TJP3: variants seen among roughly 807,000 people sequenced by gnomAD.
The protein encoded by TJP3 is tight junction protein 3.
In TJP3, 85 loss-of-function variants were observed where a neutral mutation model predicts 104.2. The ratio of observed to expected loss-of-function variants is 0.82; its 90% CI spans 0.68 to 0.98. TJP3 has a LOEUF of 0.98. Ranked by LOEUF, TJP3 falls within the 50% of genes least tolerant of loss-of-function variation. The pLI, the probability that TJP3 is intolerant of heterozygous loss-of-function variation, is 0.00. For synonymous variants in TJP3, 550 were observed against 550.6 expected, an observed-to-expected ratio of 1.00 and a Z score of 0.02; for missense variants, 1,367 against 1,322.8, an observed-to-expected ratio of 1.03 and a Z score of -0.52.
At chr19:3,731,846 G>A in intron 5 of TJP3, 89 bp from the exon 6 acceptor site, 1 of 999,784 alleles carries the variant, frequency 1.0e-6, no homozygotes, top group Non-Finnish European at 1.5e-6. Flanking sequence ...GGATGGGAGG[G>A]CCCGCACCTG....
At chr19:3,724,250 C>T (rs970221727) in intron 1 of TJP3, among the ~76,000 whole-genome samples, 1 of 151,956 alleles carries the variant, frequency 6.6e-6, no homozygotes, top group South Asian at 2.1e-4. Flanking sequence ...GGCTGGAGTG[C>T]AGTGGCACAA....
At chr19:3,731,907 C>T in intron 5 of TJP3, 28 bp from the exon 6 acceptor site, 2 of 1,600,578 alleles carry the variant, frequency 1.2e-6, no homozygotes, top group Non-Finnish European at 1.7e-6. Context: ...CAGAGTCCTG[C>T]CTCAGTTTCC....
rs540872278 is a variant in TJP3 at position 3,738,889 on chromosome 19, C to T, written c.1394-8C>T. 48 of 1,574,914 alleles carry T rather than the reference C, an allele frequency of 3.0e-5. No homozygotes were observed. The highest frequency in any genetic ancestry group is 1.4e-4 in the East Asian group (6 of 44,188). ...CAGGCAGCTCATGTGGCCTCCCGCT[C>T]TCCCCAGTTTTCTGGAAAATGGTGC... is the stretch of plus-strand genomic sequence containing the variant. On this transcript the variant is annotated splice_polypyrimidine_tract_variant and splice_region_variant and intron_variant, in intron 12 of 20. Coordinates refer to ENST00000541714, the MANE Select transcript of TJP3 (RefSeq NM_001267560.2).
chr19:3,750,593 G>C lies in TJP3; in HGVS notation c.2669G>C (p.Arg890Pro). The change falls in exon 21 of 21, where the codon CGG (arginine) becomes CCG (proline). Residue 890 changes from arginine (R) to proline (P), a missense_variant. Transcript: ENST00000541714. ...WRQDSMRTYEREALKKKFMRV... is the reference protein window; with the variant it reads ...WRQDSMRTYEPEALKKKFMRV... ...TTCCTGATCCCCAGAACCTATGAAC[G>C]GGAAGCCCTGAAGAAAAAGTTTATG... is the stretch of plus-strand genomic sequence containing the variant. The C allele has an allele frequency of 3.7e-6, 6 of 1,605,632 alleles. No homozygotes were observed. Among genetic ancestry groups the C allele is most frequent in the Non-Finnish European group, 5.1e-6 (6 of 1,175,938 alleles).
intron 1 of TJP3, among the ~76,000 whole-genome samples, chr19:3,714,021 G>A (rs1305728452): frequency 2.1e-5 from 3 of 145,448 alleles, no homozygotes; most frequent in South Asian, 4.4e-4. Flanking sequence ...CACCACGCCC[G>A]GCCTATTATT....
chr19:3,748,063 G>C lies in TJP3; in HGVS notation c.2592G>C (p.Ser864=). The change falls in exon 19 of 21, where the codon TCG becomes TCC. Residue 864 remains serine (S), a synonymous_variant. Coordinates refer to ENST00000541714, the MANE Select transcript of TJP3 (RefSeq NM_001267560.2). ...GCCCGAGGGATCGTGGGAGAATCTCGGCTCATCAGGGGGCCCAGGTGCGTC... is the reference window on the plus strand; with the variant it reads ...GCCCGAGGGATCGTGGGAGAATCTCCGCTCATCAGGGGGCCCAGGTGCGTC... ...SQSPRDRGRI[S]AHQGAQVDSR... The C allele has an allele frequency of 6.4e-7, 1 of 1,574,192 alleles. No individual in the cohort carries two copies. Among genetic ancestry groups the C allele is most frequent in the Non-Finnish European group, 8.6e-7 (1 of 1,159,804 alleles).
At chr19:3,743,574 TG>T (rs1165493302) in intron 14 of TJP3, 1 of 190,950 alleles carries the variant, frequency 5.2e-6, no homozygotes, top group African/African-American at 2.3e-5. Context: ...ACACATGCAG[TG>T]GGCCAGATGT....
At chr19:3,724,621 C>G (rs1057241176) in intron 1 of TJP3, among the ~76,000 whole-genome samples, 26 of 152,180 alleles carry the variant, frequency 1.7e-4, no homozygotes, top group African/African-American at 6.3e-4. Flanking sequence ...ACTGCAGCCT[C>G]GACCTCCTGG....
chr19:3,743,824 G>A (rs1367100646), intron 14 of TJP3, 115 bp from the exon 15 acceptor site: 3 of 923,044 alleles, frequency 3.3e-6, no homozygotes, highest in Admixed American at 4.4e-5. Flanking sequence ...GGGTAGCTAT[G>A]GTCCTGGTTA....
chr19:3,742,660 C>T (rs914617348), intron 14 of TJP3, among the ~76,000 whole-genome samples: 3 of 314 alleles, frequency 9.6e-3, no homozygotes, highest in Non-Finnish European at 0.028. Context: ...TACAAGGCCA[C>T]GGCCAGGCGT....
intron 15 of TJP3, among the ~76,000 whole-genome samples, chr19:3,745,618 G>A (rs1425410336): frequency 6.6e-6 from 1 of 152,210 alleles, no homozygotes. Context: ...GGCAAGAGTG[G>A]AGTTTCCTGT....
intron 1 of TJP3, among the ~76,000 whole-genome samples, chr19:3,719,232 C>T (rs1443849326): frequency 1.4e-5 from 2 of 146,000 alleles, no homozygotes; most frequent in South Asian, 2.2e-4. Context: ...TGATTTTTTG[C>T]GCCACCTGCT....
chr19:3,717,494 G>A (rs2036491016), intron 1 of TJP3, among the ~76,000 whole-genome samples: 1 of 151,070 alleles, frequency 6.6e-6, no homozygotes, highest in Non-Finnish European at 1.5e-5. Context: ...GGAGTGCAGT[G>A]GCGTGATCTC....
rs762245942 is a variant in TJP3, at chr19:3,730,642, G to T, written c.549G>T (p.Leu183=). The T allele has an allele frequency of 2.5e-6, 4 of 1,611,794 alleles. No individual in the cohort carries two copies. The Admixed American group carries it at 5.0e-5, about 20-fold the overall frequency. ...CCCTGGTGTCCGGCTTTAAGCGGCT[G>T]CCACGGCAGGACGTGCAGATGAAGC... ...GLALVSGFKR[L]PRQDVQMKPV... The change falls in exon 5 of 21, where the codon CTG becomes CTT. Residue 183 remains leucine, a synonymous_variant. Transcript: ENST00000541714. The surrounding 1 kb of genome is among the most constrained non-coding windows in gnomAD (Gnocchi z 7.3).
At chr19:3,741,853 C>T (rs528644410) in intron 14 of TJP3, among the ~76,000 whole-genome samples, 1 of 151,454 alleles carries the variant, frequency 6.6e-6, no homozygotes, top group South Asian at 2.1e-4. Context: ...GCCTATAATC[C>T]CAGCTACTTG....
chr19:3,725,618 G>A (rs2036587998), intron 1 of TJP3, among the ~76,000 whole-genome samples: 1 of 151,420 alleles, frequency 6.6e-6, no homozygotes, highest in Admixed American at 6.6e-5. Flanking sequence ...CTTGAACCCA[G>A]GAGGTGGAGG....
chr19:3,713,212 AC>A (rs1484188054), intron 1 of TJP3, among the ~76,000 whole-genome samples: 1 of 151,904 alleles, frequency 6.6e-6, no homozygotes, highest in Non-Finnish European at 1.5e-5. Context: ...GATCTTGGCA[AC>A]CCACAGACCG....
chr19:3,722,975 G>A (rs1170209171), intron 1 of TJP3, among the ~76,000 whole-genome samples: 1 of 149,418 alleles, frequency 6.7e-6, no homozygotes, highest in African/African-American at 2.5e-5. Flanking sequence ...GTCCAGCCCT[G>A]GGCGGGGGGC....
Position 3,731,794 on chromosome 19 carries a change from G to A in TJP3, c.614-141G>A, listed in dbSNP as rs1011923242. 18 of 596,790 alleles carry A rather than the reference G, an allele frequency of 3.0e-5. 1 individual carries two copies. The highest frequency in any genetic ancestry group is 9.8e-5 in the South Asian group (4 of 41,018). The allele number at this position is 596,790 out of a possible 1,614,324, so 37.0% of individuals were successfully genotyped here. A position where few individuals can be genotyped will look rare whatever the true frequency, so the allele number is the denominator to read the frequency against. On this transcript the variant is annotated intron_variant, in intron 5 of 20. Transcript: ENST00000541714. ...GACACAATCAGATCTCGGGTCCTAC[G>A]GGCGACATCACTGTTCTCCTTATGA...
Sources: gnomAD v4.1 joint callset for allele counts (sites outside exome capture counted in the v4.1 genomes callset) on GRCh38, gnomAD v4.1.1 for gene constraint, Gnocchi (gnomAD v3.1) non-coding constraint, MANE v1.5 for transcripts, NCBI Gene and HGNC (gene_info 2026-07-23, HGNC 2026-07-21) for gene names.